MYOM1: variants seen among roughly 807,000 people sequenced by gnomAD.
MYOM1 encodes the protein myomesin-1.
A neutral mutation model predicts 205.3 loss-of-function variants in MYOM1; 164 were observed. That is an observed-to-expected ratio of 0.80 (90% CI 0.70 to 0.91). The LOEUF is 0.91. MYOM1 is among the 40% of genes least tolerant of loss of function. The pLI is 0.00. For synonymous variants in MYOM1, 772 were observed against 789.4 expected, an observed-to-expected ratio of 0.98 and a Z score of 0.37; for missense variants, 2,011 against 2,127.3, an observed-to-expected ratio of 0.95 and a Z score of 1.08.
intron 26 of MYOM1, among the ~76,000 whole-genome samples, chr18:3,093,042 G>T (rs2079248321): frequency 6.6e-6 from 1 of 152,154 alleles, no homozygotes; most frequent in South Asian, 2.1e-4. Context: ...CATTTTGAAA[G>T]TGGAGAGGAG....
chr18:3,107,162 G>A (rs2079462048), intron 22 of MYOM1, among the ~76,000 whole-genome samples: 2 of 152,236 alleles, frequency 1.3e-5, no homozygotes, highest in African/African-American at 4.8e-5. Context: ...CTGTTGCCCA[G>A]GCTGGAGTGC....
intron 8 of MYOM1, among the ~76,000 whole-genome samples, chr18:3,172,384 G>A (rs908055470): frequency 1.3e-5 from 2 of 152,196 alleles, no homozygotes; most frequent in Non-Finnish European, 2.9e-5. Flanking sequence ...GAGAAGAGAG[G>A]AAAGGGAGAA....
intron 22 of MYOM1, among the ~76,000 whole-genome samples, chr18:3,111,810 G>A (rs930588234): frequency 3.3e-5 from 5 of 152,162 alleles, no homozygotes; most frequent in Non-Finnish European, 1.5e-5. Context: ...CAGGGCTGTT[G>A]AGTGATAAAT....
chr18:3,231,534 CTTTTTTTTT>C, the MYOM1 span, among the ~76,000 whole-genome samples: 1 of 120,220 alleles, frequency 8.3e-6, no homozygotes, highest in South Asian at 2.7e-4. Flanking sequence ...AATATGCATC[CTTTTTTTTT>C]TTTTTTTTTT....
At chr18:3,112,448 A>C in intron 21 of MYOM1, 36 bp from the exon 22 acceptor site, 1 of 1,506,242 alleles carries the variant, frequency 6.6e-7, no homozygotes, top group Non-Finnish European at 9.0e-7. Context: ...TGGGTGTTTG[A>C]TGAAGCAGTG....
In MYOM1 at chr18:3,156,622, T is replaced by TTTC. The variant is rs555954931; in HGVS notation, c.1502-1535_1502-1534insGAA. ...GACACTTCTTTCTTTTTTTTTTTTT[T>TTTC]TGAGACAGAGTCTTGCTCTGTCACC... On this transcript the variant is annotated intron_variant, in intron 10 of 37. Coordinates refer to ENST00000356443, the MANE Select transcript of MYOM1 (RefSeq NM_003803.4). Among the ~76,000 whole-genome samples the TTTC allele has an allele frequency of 3.9e-4, 59 of 151,868 alleles. No individual in the cohort carries two copies. In the South Asian group the frequency reaches 0.011, roughly 29 times the overall value.
chr18:3,137,504 G>C (rs1022809195), intron 14 of MYOM1, among the ~76,000 whole-genome samples: 2 of 152,144 alleles, frequency 1.3e-5, no homozygotes, highest in Non-Finnish European at 2.9e-5. Context: ...AAAGAATGAA[G>C]TACTGTCATT....
At chr18:3,187,195 T>C (rs1335366464) in intron 5 of MYOM1, among the ~76,000 whole-genome samples, 15 of 152,228 alleles carry the variant, frequency 9.9e-5, no homozygotes, top group Admixed American at 9.2e-4. Context: ...ATTTGGTATG[T>C]TGGTACATAT....
chr18:3,244,566 C>T, the MYOM1 span, among the ~76,000 whole-genome samples: 6 of 152,108 alleles, frequency 3.9e-5, no homozygotes, highest in African/African-American at 1.4e-4. Context: ...CCAGCCTGGC[C>T]AACATGGTGA....
intron 5 of MYOM1, among the ~76,000 whole-genome samples, chr18:3,177,012 TG>T (rs1224527497): frequency 6.6e-6 from 1 of 151,962 alleles, no homozygotes; most frequent in African/African-American, 2.4e-5. Context: ...TTTGGGAGGC[TG>T]AAGTGGAAGA....
the MYOM1 span, among the ~76,000 whole-genome samples, chr18:3,235,040 A>G: frequency 2.6e-5 from 4 of 152,044 alleles, no homozygotes; most frequent in Admixed American, 2.0e-4. Context: ...TACAGGTGTA[A>G]GCCACTGCGC....
intron 10 of MYOM1, among the ~76,000 whole-genome samples, chr18:3,163,946 G>A (rs1028207983): frequency 2.0e-5 from 3 of 150,980 alleles, no homozygotes; most frequent in African/African-American, 4.9e-5. Flanking sequence ...TTGACTTCTC[G>A]GGCTTGAGTG....
chr18:3,075,673 T>C, intron 35 of MYOM1, 52 bp downstream of exon 35: 1 of 1,576,344 alleles, frequency 6.3e-7, no homozygotes. Context: ...GCATGCAAGC[T>C]TCCCGGGAAA....
intron 5 of MYOM1, among the ~76,000 whole-genome samples, chr18:3,183,220 C>T (rs1438861706): frequency 6.6e-6 from 1 of 152,188 alleles, no homozygotes. Flanking sequence ...TGGGCCACCA[C>T]GCCCGGCCTG....
the MYOM1 span, among the ~76,000 whole-genome samples, chr18:3,235,500 A>C: frequency 6.6e-6 from 1 of 152,242 alleles, no homozygotes; most frequent in East Asian, 1.9e-4. Context: ...CTTAGAAGTC[A>C]CTGAGGACAC....
rs1475485808 is a variant in MYOM1 at position 3,097,176 on chromosome 18, G to A, written c.3728-2870C>T. Among the ~76,000 whole-genome samples, 4 of 152,044 alleles carry A rather than the reference G, an allele frequency of 2.6e-5. No homozygotes were observed. In the East Asian group the frequency reaches 7.7e-4, roughly 29 times the overall value. On this transcript the variant is annotated intron_variant, in intron 25 of 37. Transcript: ENST00000356443. ...AAACTTTACAAAATCTCAAGAAAAC[G>A]ACTTCATCAACATGCCAGCATTTAC... is the stretch of plus-strand genomic sequence containing the variant.
chr18:3,196,941 T>C (rs148631054), intron 2 of MYOM1, among the ~76,000 whole-genome samples: 4 of 152,262 alleles, frequency 2.6e-5, no homozygotes, highest in Non-Finnish European at 4.4e-5. Context: ...ATTTATAGAA[T>C]CTCAGAGCTG....
chr18:3,102,351 A>T (rs538750839), intron 23 of MYOM1, 123 bp downstream of exon 23: 1 of 1,003,034 alleles, frequency 1.0e-6, no homozygotes, highest in East Asian at 2.5e-5. Context: ...TTTCTACAAT[A>T]CCAGATATAA....
rs147032129 is a variant in MYOM1, at chr18:3,134,938, A to G, written c.2210-114T>C. 8.7e-4 allele frequency: 929 copies of G among 1,066,772 alleles called. 7 individuals are homozygous for G. Among genetic ancestry groups the G allele is most frequent in the African/African-American group, 4.6e-3 (285 of 61,574 alleles). The allele number at this position is 1,066,772 out of a possible 1,614,324, so 66.1% of individuals were successfully genotyped here. A position where few individuals can be genotyped will look rare whatever the true frequency, so the allele number is the denominator to read the frequency against. On this transcript the variant is annotated intron_variant, in intron 15 of 37. Coordinates refer to ENST00000356443, the MANE Select transcript of MYOM1 (RefSeq NM_003803.4). ...ACACACTTCGTCATGTCAAAAGAACAGCTGCTTTATTTTACGATTTTTTTT... is the reference window on the plus strand; with the variant it reads ...ACACACTTCGTCATGTCAAAAGAACGGCTGCTTTATTTTACGATTTTTTTT...
Sources: gnomAD v4.1 joint callset for allele counts (sites outside exome capture counted in the v4.1 genomes callset) on GRCh38, gnomAD v4.1.1 for gene constraint, MANE v1.5 for transcripts, NCBI Gene and HGNC (gene_info 2026-07-23, HGNC 2026-07-21) for gene names.